The following TUSC3 variants were observed in gnomAD, a reference collection of about 807,000 sequenced individuals.
TUSC3 encodes the protein tumor suppressor candidate 3.
Under a neutral mutation model 44.8 loss-of-function variants are expected in TUSC3, and 45 were observed. The ratio of observed to expected loss-of-function variants is 1.00; its 90% CI spans 0.79 to 1.29. The LOEUF is 1.29. TUSC3 is among the 50% of genes most tolerant of loss of function. The probability of loss-of-function intolerance (pLI) is 0.00; values close to 1 mark genes in which losing one functional copy is unlikely to be tolerated. For synonymous variants in TUSC3, 212 were observed against 152.9 expected, an observed-to-expected ratio of 1.39 and a Z score of -2.85; for missense variants, 519 against 437.9, an observed-to-expected ratio of 1.19 and a Z score of -1.65.
chr8:15,591,349 T>C (rs1585132486), intron 1 of TUSC3, among the ~76,000 whole-genome samples: 1 of 147,284 alleles, frequency 6.8e-6, no homozygotes, highest in East Asian at 2.0e-4. Context: ...CACTTAGGCT[T>C]TCTCCTATAA....
At chr8:15,839,268 T>C in the TUSC3 span, among the ~76,000 whole-genome samples, 2 of 152,252 alleles carry the variant, frequency 1.3e-5, no homozygotes, top group South Asian at 2.1e-4. Flanking sequence ...GCTGAGATGA[T>C]GGGGTTTTCT....
intron 1 of TUSC3, among the ~76,000 whole-genome samples, chr8:15,481,637 A>G (rs2129124446): frequency 2.0e-5 from 3 of 152,336 alleles, no homozygotes; most frequent in Admixed American, 2.0e-4. Context: ...TTTCCAGTGC[A>G]TAAAAAAGTT....
chr8:15,843,648 A>G, the TUSC3 span, among the ~76,000 whole-genome samples: 2 of 150,824 alleles, frequency 1.3e-5, no homozygotes, highest in Non-Finnish European at 2.9e-5. Flanking sequence ...ATATACATCT[A>G]TATCTACATG....
At chr8:15,777,053 T>C in the TUSC3 span, among the ~76,000 whole-genome samples, 1 of 152,150 alleles carries the variant, frequency 6.6e-6, no homozygotes, top group African/African-American at 2.4e-5. Flanking sequence ...ATGTTCTCGG[T>C]TTTTAAGTCT....
intron 1 of TUSC3, among the ~76,000 whole-genome samples, chr8:15,542,142 G>A (rs1276374138): frequency 6.6e-6 from 1 of 151,952 alleles, no homozygotes; most frequent in Admixed American, 6.6e-5. Flanking sequence ...TACATGTAAG[G>A]TCTACATTGG....
chr8:15,568,412 G>A (rs1179585939), intron 1 of TUSC3, among the ~76,000 whole-genome samples: 4 of 151,860 alleles, frequency 2.6e-5, no homozygotes, highest in Admixed American at 2.6e-4. Context: ...TCTCATATCT[G>A]GTCATTCCTG....
intron 2 of TUSC3, among the ~76,000 whole-genome samples, chr8:15,648,874 G>A (rs1806758327): frequency 6.6e-6 from 1 of 151,438 alleles, no homozygotes; most frequent in Admixed American, 6.6e-5. Flanking sequence ...AGTCCATGAA[G>A]AGCCCTTTGT....
intron 2 of TUSC3, among the ~76,000 whole-genome samples, chr8:15,643,073 C>T (rs2898422): frequency 0.85 from 129,811 of 152,156 alleles, 55,556 homozygotes; most frequent in Non-Finnish European, 0.87. Context: ...GTGAGTGAGT[C>T]CTCACATGAC....
chr8:15,719,298 C>A (rs1395105972), intron 6 of TUSC3, among the ~76,000 whole-genome samples: 1 of 151,822 alleles, frequency 6.6e-6, no homozygotes, highest in Non-Finnish European at 1.5e-5. Flanking sequence ...TATGTGCTTC[C>A]CCCAGAATCC....
chr8:15,773,809 A>G, the TUSC3 span, among the ~76,000 whole-genome samples: 17 of 152,208 alleles, frequency 1.1e-4, no homozygotes, highest in African/African-American at 3.9e-4. Context: ...ATTGATTTTC[A>G]ACAAGAGTGC....
intron 1 of TUSC3, among the ~76,000 whole-genome samples, chr8:15,439,268 G>A (rs1173949852): frequency 6.6e-6 from 1 of 152,136 alleles, no homozygotes; most frequent in Non-Finnish European, 1.5e-5. Flanking sequence ...GAGCAAGATG[G>A]TGAAGGACAA....
At chr8:15,442,799 T>C (rs1800038140) in intron 1 of TUSC3, among the ~76,000 whole-genome samples, 1 of 152,178 alleles carries the variant, frequency 6.6e-6, no homozygotes, top group African/African-American at 2.4e-5. Flanking sequence ...CAGGCTCCTC[T>C]GAGTCCTCTT....
chr8:15,785,602 G>A, the TUSC3 span, among the ~76,000 whole-genome samples: 1 of 151,990 alleles, frequency 6.6e-6, no homozygotes, highest in Non-Finnish European at 1.5e-5. Context: ...ATTGAAAACT[G>A]CGCAATCTGA....
chr8:15,434,298 T>C (rs1799916534), intron 1 of TUSC3, among the ~76,000 whole-genome samples: 1 of 152,214 alleles, frequency 6.6e-6, no homozygotes, highest in Admixed American at 6.5e-5. Flanking sequence ...GTTTGTCTTT[T>C]CATTATTTGA....
At chr8:15,635,418 T>C (rs1298124613) in intron 2 of TUSC3, among the ~76,000 whole-genome samples, 2 of 152,186 alleles carry the variant, frequency 1.3e-5, no homozygotes, top group Non-Finnish European at 1.5e-5. Context: ...TTAGGGCACA[T>C]GGAATGACTG....
At chr8:15,810,057 G>C in the TUSC3 span, among the ~76,000 whole-genome samples, 2 of 152,152 alleles carry the variant, frequency 1.3e-5, no homozygotes, top group South Asian at 4.1e-4. Context: ...CTGGTTCAGG[G>C]ATCACGCTTT....
chr8:15,804,482 A>G, the TUSC3 span, among the ~76,000 whole-genome samples: 1 of 152,108 alleles, frequency 6.6e-6, no homozygotes. Flanking sequence ...TACATTTTTC[A>G]TTCATCTTGA....
chr8:15,435,415 T>C (rs1248056580), intron 1 of TUSC3, among the ~76,000 whole-genome samples: 23 of 152,320 alleles, frequency 1.5e-4, no homozygotes, highest in African/African-American at 5.0e-4. Context: ...ATTTTTTTGA[T>C]TTTAATACAT....
intron 1 of TUSC3, among the ~76,000 whole-genome samples, chr8:15,617,132 G>GTGTGTGTGTA (rs375212684): frequency 2.6e-5 from 2 of 77,614 alleles, no homozygotes; most frequent in Admixed American, 1.3e-4. Flanking sequence ...GTGTGTGTGT[G>GTGTGTGTGTA]TATATATTTT....
Sources: allele counts gnomAD v4.1 joint callset (sites outside exome capture counted in the v4.1 genomes callset), GRCh38; gene constraint gnomAD v4.1.1; transcripts MANE v1.5; gene names NCBI Gene and HGNC (gene_info 2026-07-23, HGNC 2026-07-21).